The following TNS3 variants were observed in gnomAD, a reference collection of about 807,000 sequenced individuals.
TNS3 encodes the protein tensin-3.
TNS3 carries 45 observed loss-of-function variants against 140.9 expected under a neutral mutation model. The observed-to-expected ratio is 0.32, with a 90% confidence interval of 0.25 to 0.41. TNS3 has a LOEUF of 0.41. TNS3 is among the 10% of genes least tolerant of loss of function. The pLI is 1.00. For missense variants in TNS3, 1,716 were observed against 1,906.7 expected (o/e 0.90, Z 1.86); for synonymous variants, 815 against 788.4 (o/e 1.03, Z -0.56).
intron 3 of TNS3, among the ~76,000 whole-genome samples, chr7:47,491,442 C>T (rs73695350): frequency 0.012 from 1,765 of 152,174 alleles, 27 homozygotes; most frequent in African/African-American, 0.04. Flanking sequence ...AGGGATAATA[C>T]GACCTCGCGG....
At chr7:47,333,462 T>A (rs538422906) in intron 20 of TNS3, among the ~76,000 whole-genome samples, 28 of 152,290 alleles carry the variant, frequency 1.8e-4, no homozygotes, top group Middle Eastern at 6.8e-3. Context: ...TATAAACCCA[T>A]GGAGAAATCC....
intron 3 of TNS3, among the ~76,000 whole-genome samples, chr7:47,498,104 G>A (rs1239966881): frequency 6.6e-6 from 1 of 152,212 alleles, no homozygotes; most frequent in Non-Finnish European, 1.5e-5. Flanking sequence ...TCAAGTAATG[G>A]AGGTTCTGCA....
intron 13 of TNS3, among the ~76,000 whole-genome samples, chr7:47,408,926 C>T (rs778336376): frequency 2.0e-5 from 3 of 152,060 alleles, no homozygotes; most frequent in Non-Finnish European, 2.9e-5. Flanking sequence ...GTAGGCTACA[C>T]GGTATCAGTA....
At chr7:47,282,228 C>T (rs558842658) in intron 28 of TNS3, among the ~76,000 whole-genome samples, 240 of 150,278 alleles carry the variant, frequency 1.6e-3, no homozygotes, top group African/African-American at 5.7e-3. Context: ...ACCCTGAGTC[C>T]ACCATGCAGC....
chr7:47,577,410 G>T (rs1292578715), intron 1 of TNS3, among the ~76,000 whole-genome samples: 1 of 152,200 alleles, frequency 6.6e-6, no homozygotes, highest in Admixed American at 6.5e-5. Flanking sequence ...CAGCCTTGGG[G>T]TCCGAGGAAG....
At chr7:47,410,907 TA>T (rs1226760476) in intron 13 of TNS3, among the ~76,000 whole-genome samples, 4 of 152,174 alleles carry the variant, frequency 2.6e-5, no homozygotes, top group African/African-American at 9.6e-5. Flanking sequence ...TCAAGAAAGA[TA>T]AAAGGCAAAA....
intron 2 of TNS3, among the ~76,000 whole-genome samples, chr7:47,513,823 C>A (rs574583982): frequency 1.3e-5 from 2 of 152,206 alleles, no homozygotes; most frequent in Non-Finnish European, 2.9e-5. Flanking sequence ...CCTGAACACT[C>A]GGCTCCACAG....
intron 1 of TNS3, among the ~76,000 whole-genome samples, chr7:47,541,505 T>A (rs1159771349): frequency 1.3e-5 from 2 of 151,774 alleles, no homozygotes; most frequent in Non-Finnish European, 2.9e-5. Flanking sequence ...GAACAATGGG[T>A]TTTTTAACAA....
chr7:47,426,777 T>C (rs192852916), intron 9 of TNS3, among the ~76,000 whole-genome samples: 29 of 152,310 alleles, frequency 1.9e-4, no homozygotes, highest in African/African-American at 6.0e-4. Flanking sequence ...AATCCGGGAC[T>C]ATCCACAGTG....
chr7:47,412,564 G>A (rs117419208), intron 12 of TNS3, among the ~76,000 whole-genome samples: 6 of 152,332 alleles, frequency 3.9e-5, no homozygotes, highest in Non-Finnish European at 8.8e-5. Flanking sequence ...GTTGCAGTGA[G>A]TGGAGATCGT....
chr7:47,423,896 G>GTCTC (rs562850936), intron 10 of TNS3, among the ~76,000 whole-genome samples: 3 of 152,194 alleles, frequency 2.0e-5, no homozygotes, highest in Admixed American at 1.3e-4. Context: ...ATAGGGGGCT[G>GTCTC]TCTCTCACCA....
intron 17 of TNS3, among the ~76,000 whole-genome samples, chr7:47,353,992 AACAC>A (rs10598998): frequency 0.41 from 58,368 of 143,322 alleles, 12,767 homozygotes; most frequent in Non-Finnish European, 0.52. Flanking sequence ...CAGAGGACAA[AACAC>A]ACACACACAC....
chr7:47,436,056 G>T (rs548713045), intron 7 of TNS3, among the ~76,000 whole-genome samples: 2 of 152,176 alleles, frequency 1.3e-5, no homozygotes, highest in Admixed American at 1.3e-4. Context: ...TCAGTAGGAC[G>T]AGGACAAGGA....
At chr7:47,323,147 C>T (rs1461723030) in intron 20 of TNS3, among the ~76,000 whole-genome samples, 1 of 152,214 alleles carries the variant, frequency 6.6e-6, no homozygotes, top group Non-Finnish European at 1.5e-5. Context: ...TCTCACGGAG[C>T]CACATTTCTG....
At chr7:47,280,436 A>G in intron 28 of TNS3, 82 bp from the exon 29 acceptor site, 2 of 1,199,212 alleles carry the variant, frequency 1.7e-6, no homozygotes, top group South Asian at 2.5e-5. Flanking sequence ...GGGCTCTCCC[A>G]TACATGAAGA....
chr7:47,488,492 T>C (rs1797691185), intron 3 of TNS3, among the ~76,000 whole-genome samples: 1 of 152,126 alleles, frequency 6.6e-6, no homozygotes, highest in Middle Eastern at 3.2e-3. Context: ...ATGGCCACCT[T>C]CTCCCCGTGT....
At position 47,524,629 on chromosome 7, in the gene TNS3, C is replaced by T. The variant is rs545286830; in HGVS notation, c.-153+4407G>A. Reference sequence around the variant, plus strand: ...CATCCTGGCTAACAAGGTGAAACCCCGTCTCTACTAAAAATACAAAAAATT... The same window carrying T: ...CATCCTGGCTAACAAGGTGAAACCCTGTCTCTACTAAAAATACAAAAAATT... On this transcript the variant is annotated intron_variant, in intron 2 of 30. Coordinates refer to ENST00000311160, the MANE Select transcript of TNS3 (RefSeq NM_022748.12). Among the ~76,000 whole-genome samples the T allele has an allele frequency of 2.0e-3, 302 of 149,564 alleles. 1 individual carries two copies. Among genetic ancestry groups the T allele is most frequent in the African/African-American group, 5.8e-3 (235 of 40,406 alleles).
At chr7:47,313,771 G>A (rs1189531771) in intron 20 of TNS3, among the ~76,000 whole-genome samples, 1 of 152,176 alleles carries the variant, frequency 6.6e-6, no homozygotes, top group Non-Finnish European at 1.5e-5. Flanking sequence ...AGAAGAGGCT[G>A]AAGGAAAATA....
intron 21 of TNS3, among the ~76,000 whole-genome samples, chr7:47,303,866 C>A (rs1786580376): frequency 1.3e-5 from 2 of 152,334 alleles, no homozygotes; most frequent in South Asian, 4.1e-4. Flanking sequence ...ATGCTGCTCC[C>A]TCGGCCCCTG....
Sources: allele counts gnomAD v4.1 joint callset (sites outside exome capture counted in the v4.1 genomes callset), GRCh38; gene constraint gnomAD v4.1.1; transcripts MANE v1.5; gene names NCBI Gene and HGNC (gene_info 2026-07-23, HGNC 2026-07-21).